Variants in AUTS2 observed in about 807,000 individuals in gnomAD.
AUTS2 encodes the protein activator of transcription and developmental regulator AUTS2.
AUTS2 carries 17 observed loss-of-function variants against 112.4 expected under a neutral mutation model. That is an observed-to-expected ratio of 0.15 (90% CI 0.10 to 0.23). The LOEUF (loss-of-function observed/expected upper bound fraction) is 0.23, where lower values mean the gene tolerates loss of function less well. AUTS2 is among the 10% of genes least tolerant of loss of function. The pLI, the probability that AUTS2 is intolerant of heterozygous loss-of-function variation, is 1.00. For missense variants in AUTS2, 1,510 were observed against 1,701.6 expected (o/e 0.89, Z 1.98); for synonymous variants, 751 against 702.7 (o/e 1.07, Z -1.09).
In AUTS2 at chr7:69,796,652, A is replaced by G. The variant is rs546720767; in HGVS notation, c.310-102634A>G. On this transcript the variant is annotated intron_variant, in intron 1 of 18. Coordinates refer to ENST00000342771, the MANE Select transcript of AUTS2 (RefSeq NM_015570.4). ...AAAACATTTATGGTCATACCTCTCCAAATTGAACAATTGTGGGAATATGTA... is the reference window on the plus strand; with the variant it reads ...AAAACATTTATGGTCATACCTCTCCGAATTGAACAATTGTGGGAATATGTA... Among the ~76,000 whole-genome samples the G allele has an allele frequency of 1.6e-3, 250 of 152,330 alleles. 1 individual carries two copies. The highest frequency in any genetic ancestry group is 4.4e-3 in the Admixed American group (68 of 15,306).
chr7:70,253,444 T>C (rs1310858475), intron 4 of AUTS2, among the ~76,000 whole-genome samples: 2 of 152,184 alleles, frequency 1.3e-5, no homozygotes, highest in South Asian at 2.1e-4. Flanking sequence ...ATTGTTGTTA[T>C]CTGCCAGCTT....
At chr7:70,663,482 A>C (rs1480835286) in intron 5 of AUTS2, among the ~76,000 whole-genome samples, 2 of 152,130 alleles carry the variant, frequency 1.3e-5, no homozygotes, top group Non-Finnish European at 2.9e-5. Flanking sequence ...ACGGACGTTG[A>C]CTTCTCGTCC....
At chr7:69,757,795 A>G (rs1487450528) in intron 1 of AUTS2, among the ~76,000 whole-genome samples, 2 of 152,228 alleles carry the variant, frequency 1.3e-5, no homozygotes, top group African/African-American at 4.8e-5. Flanking sequence ...TGAACTTACT[A>G]AAACCCAGGA....
At chr7:70,470,065 A>G (rs960533854) in intron 5 of AUTS2, among the ~76,000 whole-genome samples, 2 of 152,246 alleles carry the variant, frequency 1.3e-5, no homozygotes, top group Admixed American at 1.3e-4. Flanking sequence ...TAGAAATTTT[A>G]GTAAAAATTC....
At chr7:69,855,201 A>T (rs750513548) in intron 1 of AUTS2, among the ~76,000 whole-genome samples, 10 of 152,232 alleles carry the variant, frequency 6.6e-5, no homozygotes, top group Non-Finnish European at 1.3e-4. Context: ...TAAAATGAAG[A>T]TTCTAGAAGC....
intron 4 of AUTS2, among the ~76,000 whole-genome samples, chr7:70,236,452 T>G (rs1436923079): frequency 6.6e-6 from 1 of 152,186 alleles, no homozygotes; most frequent in Non-Finnish European, 1.5e-5. Context: ...AAAGCAATTT[T>G]CAACCTTTTT....
intron 1 of AUTS2, among the ~76,000 whole-genome samples, chr7:69,643,598 G>A (rs766717209): frequency 2.7e-4 from 41 of 152,092 alleles, no homozygotes; most frequent in Non-Finnish European, 3.8e-4. Flanking sequence ...ATGAGGGCAG[G>A]GTTTGAGTTT....
At chr7:70,137,234 G>GTT (rs1234962350) in intron 4 of AUTS2, among the ~76,000 whole-genome samples, 1 of 152,148 alleles carries the variant, frequency 6.6e-6, no homozygotes, top group East Asian at 1.9e-4. Flanking sequence ...AATTCTTAAA[G>GTT]TAGACAAAAT....
At chr7:70,296,627 T>G (rs1788949644) in intron 4 of AUTS2, among the ~76,000 whole-genome samples, 1 of 152,174 alleles carries the variant, frequency 6.6e-6, no homozygotes, top group Non-Finnish European at 1.5e-5. Flanking sequence ...AACTTTTTAT[T>G]TAACTATTAT....
intron 6 of AUTS2, among the ~76,000 whole-genome samples, chr7:70,745,915 T>A (rs1788421653): frequency 2.0e-5 from 3 of 152,194 alleles, no homozygotes. Context: ...AACATGTAAT[T>A]GTTTATTGAG....
At chr7:70,425,076 G>A (rs1795377468) in intron 4 of AUTS2, among the ~76,000 whole-genome samples, 1 of 152,182 alleles carries the variant, frequency 6.6e-6, no homozygotes, top group South Asian at 2.1e-4. Flanking sequence ...GCTTGAGATG[G>A]ACATTGACCC....
intron 5 of AUTS2, among the ~76,000 whole-genome samples, chr7:70,619,564 T>TAA (rs10658629): frequency 0.17 from 24,752 of 146,792 alleles, 2,447 homozygotes; most frequent in African/African-American, 0.27. Flanking sequence ...GTCAAGGTAT[T>TAA]AAAAAAAAAA....
At chr7:69,694,731 AT>A (rs1797482436) in intron 1 of AUTS2, among the ~76,000 whole-genome samples, 1 of 152,184 alleles carries the variant, frequency 6.6e-6, no homozygotes. Context: ...AAAAGAAGTA[AT>A]TATAGTTGTA....
At chr7:70,484,201 C>G (rs945548023) in intron 5 of AUTS2, among the ~76,000 whole-genome samples, 2 of 152,174 alleles carry the variant, frequency 1.3e-5, no homozygotes, top group African/African-American at 4.8e-5. Context: ...ATCTAACCAT[C>G]CATCCTTTTC....
At chr7:70,548,885 C>G (rs1009994341) in intron 5 of AUTS2, among the ~76,000 whole-genome samples, 3 of 151,224 alleles carry the variant, frequency 2.0e-5, no homozygotes, top group African/African-American at 7.3e-5. Context: ...GTGTCCTTTG[C>G]ATTTCCATAT....
chr7:70,120,085 T>G (rs1805605098), intron 3 of AUTS2: 2 of 152,160 alleles, frequency 1.3e-5, no homozygotes, highest in Admixed American at 1.3e-4. Context: ...CATAAACGGT[T>G]GGAGACCACT....
At chr7:69,741,494 C>T (rs1308341055) in intron 1 of AUTS2, among the ~76,000 whole-genome samples, 1 of 152,128 alleles carries the variant, frequency 6.6e-6, no homozygotes, top group East Asian at 1.9e-4. Flanking sequence ...TGCTTGAGCC[C>T]AGGAGTTCGA....
chr7:70,187,718 A>T (rs548156571), intron 4 of AUTS2, among the ~76,000 whole-genome samples: 79 of 152,080 alleles, frequency 5.2e-4, no homozygotes, highest in African/African-American at 1.8e-3. Context: ...TCTACAAATC[A>T]GTACATGTCA....
intron 5 of AUTS2, among the ~76,000 whole-genome samples, chr7:70,478,740 CTTG>C (rs948497745): frequency 6.9e-6 from 1 of 145,618 alleles, no homozygotes; most frequent in Admixed American, 6.7e-5. Context: ...GTGTTCAAGA[CTTG>C]TTTTTTTTTT....
Sources: allele counts gnomAD v4.1 joint callset (sites outside exome capture counted in the v4.1 genomes callset), GRCh38; gene constraint gnomAD v4.1.1; transcripts MANE v1.5; gene names NCBI Gene and HGNC (gene_info 2026-07-23, HGNC 2026-07-21).